BTBD7: variants seen among roughly 807,000 people sequenced by gnomAD.
BTBD7 encodes the protein BTB/POZ domain-containing protein 7.
In BTBD7, 38 loss-of-function variants were observed where a neutral mutation model predicts 99.9. That is an observed-to-expected ratio of 0.38 (90% CI 0.29 to 0.50). The LOEUF is 0.50. Among genes scored for constraint, BTBD7 ranks in the 20% least tolerant of loss-of-function variants. The pLI is 0.93. For synonymous variants in BTBD7, 520 were observed against 511.4 expected (o/e 1.02, Z -0.23); for missense variants, 1,170 against 1,394.6 (o/e 0.84, Z 2.57).
intron 3 of BTBD7, among the ~76,000 whole-genome samples, chr14:93,292,161 T>C (rs2139763808): frequency 6.6e-6 from 1 of 152,296 alleles, no homozygotes; most frequent in African/African-American, 2.4e-5. Flanking sequence ...CACTCCAGCC[T>C]GGGTGACAAG....
At chr14:93,258,632 T>C (rs1445835691) in intron 5 of BTBD7, among the ~76,000 whole-genome samples, 1 of 152,194 alleles carries the variant, frequency 6.6e-6, no homozygotes, top group African/African-American at 2.4e-5. Context: ...TTGCCCAGGC[T>C]AGAGTGCAGT....
intron 1 of BTBD7, among the ~76,000 whole-genome samples, chr14:93,313,719 C>A (rs2053166895): frequency 6.8e-6 from 1 of 146,972 alleles, no homozygotes; most frequent in African/African-American, 2.5e-5. Context: ...CACACACAAT[C>A]ACACATATAT....
chr14:93,249,913 T>C (rs2052352561), intron 8 of BTBD7, among the ~76,000 whole-genome samples: 1 of 152,188 alleles, frequency 6.6e-6, no homozygotes, highest in African/African-American at 2.4e-5. Context: ...TATTATTTTT[T>C]AGGGATAAAA....
intron 1 of BTBD7, among the ~76,000 whole-genome samples, chr14:93,311,386 G>A (rs2053136318): frequency 6.6e-6 from 1 of 152,120 alleles, no homozygotes; most frequent in South Asian, 2.1e-4. Flanking sequence ...CCTTAAAGAA[G>A]CCCTAATTCC....
intron 1 of BTBD7, among the ~76,000 whole-genome samples, chr14:93,322,606 A>G (rs956652138): frequency 6.6e-6 from 1 of 152,236 alleles, no homozygotes; most frequent in Non-Finnish European, 1.5e-5. Context: ...CTTAATTTTC[A>G]AAGTGGATAG....
In BTBD7 at chr14:93,296,010, C is replaced by T. The variant is rs1370005883; in HGVS notation, c.42G>A (p.Pro14=). ...GGGCCTGTGAATTTCCCCCTACCCT[C>T]GGGGAACATGAATGAGGATAATTAG... is the stretch of plus-strand genomic sequence containing the variant. The part of the protein sequence containing the change: ...NASNYPHSCS[P]RVGGNSQAQQ... Residue 14 remains proline (P), a synonymous_variant, in exon 2 of 11, where the codon CCG becomes CCA. Transcript: ENST00000334746. The T allele has an allele frequency of 8.1e-6, 13 of 1,613,918 alleles. No homozygotes were observed. Among genetic ancestry groups the T allele is most frequent in the South Asian group, 6.6e-5 (6 of 91,076 alleles).
chr14:93,322,954 C>CA lies in BTBD7; in HGVS notation c.-107+9865dup, dbSNP rs201583325. On this transcript the variant is annotated intron_variant, in intron 1 of 10. Coordinates refer to ENST00000334746, the MANE Select transcript of BTBD7 (RefSeq NM_001002860.4). ...ACAACACAGCAGGACCCCATCTCTA[C>CA]AAAAAAAAATGTTTACAAATTAGCT... 6.9e-3 allele frequency among the ~76,000 whole-genome samples: 1,041 copies of CA among 150,832 alleles called. 9 individuals carry two copies. Among genetic ancestry groups the CA allele is most frequent in the African/African-American group, 0.017 (716 of 41,104 alleles).
intron 1 of BTBD7, among the ~76,000 whole-genome samples, chr14:93,322,170 T>G (rs2053277769): frequency 6.6e-6 from 1 of 152,222 alleles, no homozygotes; most frequent in Non-Finnish European, 1.5e-5. Context: ...TGGAGTGCAG[T>G]GGGGTGATCG....
rs2052192856 is a variant in BTBD7 at position 93,239,182 on chromosome 14, C to T, written c.*3091G>A. 1 of 152,494 alleles carries T rather than the reference C, an allele frequency of 6.6e-6. No individual in the cohort carries two copies. The highest frequency in any genetic ancestry group is 1.5e-5 in the Non-Finnish European group (1 of 68,006). 9.4% of individuals were successfully genotyped at this position (152,494 alleles called of 1,614,324 possible). A position where few individuals can be genotyped will look rare whatever the true frequency, so the allele number is the denominator to read the frequency against. The stretch of plus-strand genomic sequence containing the variant: ...GTGACTCTGAACTTCAATTATTCAT[C>T]AAAATCACAAAACTAAAACAATAAC... On this transcript the variant is annotated 3_prime_UTR_variant, in exon 11 of 11. Transcript: ENST00000334746.
intron 3 of BTBD7, among the ~76,000 whole-genome samples, chr14:93,282,454 T>A (rs11849840): frequency 0.074 from 11,210 of 151,896 alleles, 463 homozygotes; most frequent in Middle Eastern, 0.12. Context: ...TGCCTCAGAC[T>A]CCTGAGTAGC....
chr14:93,319,812 CA>C (rs902982226), intron 1 of BTBD7, among the ~76,000 whole-genome samples: 1 of 146,162 alleles, frequency 6.8e-6, no homozygotes, highest in Non-Finnish European at 1.5e-5. Flanking sequence ...GTGTTCTTAC[CA>C]AAAAAAATAA....
Position 93,241,767 on chromosome 14 carries a change from C to T in BTBD7, c.*506G>A, listed in dbSNP as rs756009723. 14 of 154,714 alleles carry T rather than the reference C, an allele frequency of 9.0e-5. No individual in the cohort carries two copies. The highest frequency in any genetic ancestry group is 1.4e-4 in the Non-Finnish European group (10 of 69,524). The allele number at this position is 154,714 out of a possible 1,614,324, so 9.6% of individuals were successfully genotyped here. ...CAATTACTGAAAAGAGAGGAGCATT[C>T]TGATGTGCTGTTCTTTGGAATTTCT... On this transcript the variant is annotated 3_prime_UTR_variant, in exon 11 of 11. Transcript: ENST00000334746.
intron 10 of BTBD7, chr14:93,244,388 C>T (rs752879973): frequency 5.6e-5 from 10 of 179,442 alleles, no homozygotes; most frequent in African/African-American, 9.6e-5. Context: ...CAGTGGCCCA[C>T]GCCTGTAATC....
Position 93,253,760 on chromosome 14 carries a change from A to G in BTBD7, c.1639T>C (p.Ser547Pro), listed in dbSNP as rs144065175. Residue 547 changes from serine (S) to proline (P), a missense_variant, in exon 7 of 11, where the codon TCA (serine) becomes CCA (proline). This residue lies in a region of BTBD7 where 309 missense variants were observed against 342.0 expected (regional missense o/e 0.90). Transcript: ENST00000334746. ...CCTTCTGTTGTAGGAAGCATATCTG[A>G]TGGAGGAGTACTAATCAAGCCTCTT... ...MKRGLISTPP[S>P]DMLPTTEGGK... is the part of the protein sequence containing the mutation. 6.2e-7 allele frequency: 1 copy of G among 1,610,832 alleles called. No individual in the cohort carries two copies. Among genetic ancestry groups the G allele is most frequent in the Non-Finnish European group, 8.5e-7 (1 of 1,177,754 alleles).
At chr14:93,263,749 T>C in intron 4 of BTBD7, 36 bp downstream of exon 4, 2 of 1,572,988 alleles carry the variant, frequency 1.3e-6, no homozygotes, top group Non-Finnish European at 1.7e-6. Flanking sequence ...GGCGCACATA[T>C]GAATGACAGA....
intron 1 of BTBD7, among the ~76,000 whole-genome samples, chr14:93,327,996 G>A (rs374178384): frequency 1.3e-5 from 2 of 152,020 alleles, no homozygotes; most frequent in South Asian, 2.1e-4. Flanking sequence ...CAATCCAAAA[G>A]AGAAATTAAG....
rs773856773 is a variant in BTBD7 at position 93,253,798 on chromosome 14, A to C, written c.1609-8T>G. On this transcript the variant is annotated splice_polypyrimidine_tract_variant and splice_region_variant and intron_variant, in intron 6 of 10. Transcript: ENST00000334746. ...AATCAAGCCTCTTTTCATCTAAAAA[A>C]AAATTTTTTTTTTAGATAGAAATCT... 20 of 1,557,190 alleles carry C rather than the reference A, an allele frequency of 1.3e-5. No homozygotes were observed. Among genetic ancestry groups the C allele is most frequent in the East Asian group, 2.2e-5 (1 of 44,642 alleles).
intron 1 of BTBD7, among the ~76,000 whole-genome samples, chr14:93,300,704 T>TTGTGTGTGTG (rs57228905): frequency 7.5e-4 from 65 of 87,092 alleles, no homozygotes; most frequent in Admixed American, 1.5e-3. Flanking sequence ...CCCAGCTAAT[T>TTGTGTGTGTG]TGTGTGTGTG....
chr14:93,309,696 G>A (rs904916854), intron 1 of BTBD7, among the ~76,000 whole-genome samples: 1 of 152,034 alleles, frequency 6.6e-6, no homozygotes, highest in Admixed American at 6.6e-5. Context: ...CTCTAGTGCT[G>A]TGTATTGTTG....
Sources: allele counts gnomAD v4.1 joint callset (sites outside exome capture counted in the v4.1 genomes callset), GRCh38; gene constraint gnomAD v4.1.1; regional missense constraint gnomAD v4.1.1; transcripts MANE v1.5; gene names NCBI Gene and HGNC (gene_info 2026-07-23, HGNC 2026-07-21).